DMD: variants seen among roughly 807,000 people sequenced by gnomAD.
The protein encoded by DMD is mutant dystrophin.
DMD carries 63 observed loss-of-function variants against 330.1 expected under a neutral mutation model. That is an observed-to-expected ratio of 0.19 (90% CI 0.16 to 0.24). The LOEUF is 0.24. Ranked by LOEUF, DMD falls within the 10% of genes least tolerant of loss-of-function variation. The pLI is 1.00. For synonymous variants in DMD, 1,223 were observed against 959.8 expected, an observed-to-expected ratio of 1.27 and a Z score of -5.07; for missense variants, 3,344 against 2,684.1, an observed-to-expected ratio of 1.25 and a Z score of -5.43.
chrX:31,788,381 C>A (rs1331906331), intron 50 of DMD, among the ~76,000 whole-genome samples: 1 of 112,004 alleles, frequency 8.9e-6, no homozygotes, highest in Non-Finnish European at 1.9e-5. Flanking sequence ...ATCAGTAAAT[C>A]ATATTTAAAC....
At chrX:33,113,599 C>A (rs111657792) in intron 1 of DMD, among the ~76,000 whole-genome samples, 45,316 of 107,846 alleles carry the variant, frequency 0.42, 7,672 homozygotes, top group Non-Finnish European at 0.53. Flanking sequence ...TGCCCCCCCC[C>A]CCAAAAAAAT....
chrX:32,355,166 T>C, intron 37 of DMD, among the ~76,000 whole-genome samples: 1 of 111,697 alleles, frequency 9.0e-6, no homozygotes, highest in Non-Finnish European at 1.9e-5. Context: ...ACGAAATCAC[T>C]GTATTTGAAG....
At chrX:32,487,659 T>TA (rs765789210) in intron 20 of DMD, among the ~76,000 whole-genome samples, 1 of 111,295 alleles carries the variant, frequency 9.0e-6, no homozygotes, top group Non-Finnish European at 1.9e-5. Context: ...TTATTCTCAT[T>TA]AAAAAAACAT....
intron 41 of DMD, among the ~76,000 whole-genome samples, chrX:32,336,442 T>A (rs1021302162): frequency 3.6e-5 from 4 of 112,215 alleles, no homozygotes; most frequent in Admixed American, 2.8e-4. Context: ...AATATCCCAT[T>A]ACAATTACTC....
At chrX:31,705,786 T>C (rs980985757) in intron 52 of DMD, among the ~76,000 whole-genome samples, 2 of 111,723 alleles carry the variant, frequency 1.8e-5, no homozygotes, top group Admixed American at 9.5e-5. Context: ...ATATAGACAG[T>C]TTGCCATATG....
At chrX:31,414,519 T>G (rs149010686) in intron 60 of DMD, among the ~76,000 whole-genome samples, 2,337 of 111,985 alleles carry the variant, frequency 0.021, 56 homozygotes, top group African/African-American at 0.071. Context: ...ACTATCCCAC[T>G]ACATGTTCAA....
intron 2 of DMD, among the ~76,000 whole-genome samples, chrX:32,895,844 CGTGTGTGTGTGTGT>C (rs5902042): frequency 2.0e-5 from 2 of 99,788 alleles, no homozygotes; most frequent in African/African-American, 3.7e-5. Context: ...TTGGAATGAA[CGTGTGTGTGTGTGT>C]GTGTGTGTGT....
At chrX:33,262,540 T>G (rs1290475022) in intron 1 of DMD, among the ~76,000 whole-genome samples, 1 of 110,873 alleles carries the variant, frequency 9.0e-6, no homozygotes, top group African/African-American at 3.3e-5. Flanking sequence ...CTATGGTAAT[T>G]GAGACATATT....
chrX:31,723,057 T>A (rs1279462986), intron 52 of DMD, among the ~76,000 whole-genome samples: 1 of 106,974 alleles, frequency 9.3e-6, no homozygotes, highest in East Asian at 2.9e-4. Context: ...AAAAAAAAAA[T>A]TATTATTCAG....
chrX:32,715,493 AAAG>A (rs2065619811), intron 7 of DMD, among the ~76,000 whole-genome samples: 1 of 105,307 alleles, frequency 9.5e-6, no homozygotes, highest in South Asian at 4.3e-4. Flanking sequence ...AAAAAAAAAA[AAAG>A]GAGATCTTGA....
chrX:32,299,903 G>T (rs1468371604), intron 42 of DMD, among the ~76,000 whole-genome samples: 3 of 111,170 alleles, frequency 2.7e-5, no homozygotes, highest in Non-Finnish European at 5.7e-5. Flanking sequence ...ATTCCTCCTA[G>T]TTTCTGCTTT....
chrX:33,207,912 C>G (rs145081001), intron 1 of DMD, among the ~76,000 whole-genome samples: 241 of 111,491 alleles, frequency 2.2e-3, no homozygotes, highest in African/African-American at 7.3e-3. Context: ...CAGCCCATGA[C>G]CTTCCCCAGA....
rs2060070088 is a variant in DMD, at chrX:31,379,841, T to C, written c.9085-31207A>G. On this transcript the variant is annotated intron_variant, in intron 60 of 78. Coordinates refer to ENST00000357033, the MANE Select transcript of DMD (RefSeq NM_004006.3). ...GCAGCCCGGGATTCCTCCTAAGCCA[T>C]GTCCCATCTGTGGAGGACCCCACTG... Among the ~76,000 whole-genome samples the C allele has an allele frequency of 2.7e-5, 3 of 111,991 alleles. No individual in the cohort carries two copies. In the South Asian group the frequency reaches 1.1e-3, roughly 43 times the overall value.
intron 9 of DMD, among the ~76,000 whole-genome samples, chrX:32,686,559 CAAAAAAAA>C (rs750534167): frequency 7.0e-5 from 2 of 28,581 alleles, no homozygotes; most frequent in Non-Finnish European, 1.2e-4. Context: ...AACTCCATCT[CAAAAAAAA>C]AAAAAAAAAA....
chrX:32,028,963 G>A (rs1369595633), intron 44 of DMD, among the ~76,000 whole-genome samples: 2 of 111,573 alleles, frequency 1.8e-5, no homozygotes, highest in African/African-American at 6.5e-5. Flanking sequence ...CTAAAATTGT[G>A]TAAATCATCA....
intron 7 of DMD, among the ~76,000 whole-genome samples, chrX:32,786,191 A>T (rs1423030582): frequency 9.1e-6 from 1 of 110,419 alleles, no homozygotes; most frequent in East Asian, 2.8e-4. Context: ...AACTGATTCT[A>T]TACAGAAAAA....
chrX:31,777,880 T>C (rs752308426), intron 50 of DMD, among the ~76,000 whole-genome samples: 8 of 112,060 alleles, frequency 7.1e-5, no homozygotes, highest in African/African-American at 2.6e-4. Context: ...GCTCCTCATG[T>C]TCTACATTCG....
At chrX:31,354,283 T>C (rs925858956) in intron 60 of DMD, among the ~76,000 whole-genome samples, 1 of 111,826 alleles carries the variant, frequency 8.9e-6, no homozygotes, top group African/African-American at 3.2e-5. Context: ...TATTCACGGA[T>C]CTTTACTATT....
intron 63 of DMD, among the ~76,000 whole-genome samples, chrX:31,244,758 A>C (rs1478771744): frequency 3.6e-5 from 4 of 111,924 alleles, no homozygotes. Context: ...TTAAAATGTA[A>C]ATAGTGGCTA....
Sources: gnomAD v4.1 joint callset for allele counts (sites outside exome capture counted in the v4.1 genomes callset) on GRCh38, gnomAD v4.1.1 for gene constraint, MANE v1.5 for transcripts, NCBI Gene and HGNC (gene_info 2026-07-23, HGNC 2026-07-21) for gene names.